Variants in WDPCP observed in about 807,000 individuals in gnomAD.
WDPCP encodes the protein WD repeat containing planar cell polarity effector.
In WDPCP, 71 loss-of-function variants were observed where a neutral mutation model predicts 93.1. The ratio of observed to expected loss-of-function variants is 0.76; its 90% CI spans 0.63 to 0.93. The LOEUF is 0.93. Ranked by LOEUF, WDPCP falls within the 40% of genes least tolerant of loss-of-function variation. The pLI is 0.00. For missense variants in WDPCP, 844 were observed against 887.4 expected (o/e 0.95, Z 0.62); for synonymous variants, 315 against 315.0 (o/e 1.00, Z 0.00).
intron 14 of WDPCP, among the ~76,000 whole-genome samples, chr2:63,216,583 T>C (rs1196623006): frequency 5.3e-5 from 8 of 152,046 alleles, no homozygotes; most frequent in Admixed American, 1.3e-4. Flanking sequence ...GGGAGAGGGA[T>C]AGCATTAGGA....
At chr2:63,476,553 C>A (rs901401988) in intron 6 of WDPCP, among the ~76,000 whole-genome samples, 1 of 152,134 alleles carries the variant, frequency 6.6e-6, no homozygotes, top group Non-Finnish European at 1.5e-5. Flanking sequence ...TACAATTTGG[C>A]ACTCATTAGT....
At chr2:63,723,312 TC>T (rs1447724660) in intron 2 of WDPCP, among the ~76,000 whole-genome samples, 1 of 150,642 alleles carries the variant, frequency 6.6e-6, no homozygotes, top group Non-Finnish European at 1.5e-5. Flanking sequence ...AAAAGAATGC[TC>T]CCTTTTTCTC....
intron 1 of WDPCP, among the ~76,000 whole-genome samples, chr2:63,583,219 C>A (rs1327544702): frequency 6.6e-6 from 1 of 151,846 alleles, no homozygotes; most frequent in African/African-American, 2.4e-5. Flanking sequence ...GCTATAAACC[C>A]TACAACAGTC....
chr2:63,298,138 A>G (rs1400263815), intron 13 of WDPCP, among the ~76,000 whole-genome samples: 1 of 152,146 alleles, frequency 6.6e-6, no homozygotes, highest in Non-Finnish European at 1.5e-5. Context: ...CCAGGTGCAT[A>G]TACCAGTCCA....
At chr2:63,601,146 T>G (rs1709410324) in intron 3 of WDPCP, among the ~76,000 whole-genome samples, 1 of 152,224 alleles carries the variant, frequency 6.6e-6, no homozygotes, top group South Asian at 2.1e-4. Context: ...CCTGGGACCT[T>G]GGCTAGGCAT....
At chr2:63,582,750 TG>T (rs760860004) in intron 1 of WDPCP, among the ~76,000 whole-genome samples, 2 of 151,172 alleles carry the variant, frequency 1.3e-5, no homozygotes, top group Non-Finnish European at 3.0e-5. Flanking sequence ...ACAAGGCAAA[TG>T]AAAAAAAACA....
At chr2:63,618,586 A>C (rs567320020) in intron 3 of WDPCP, among the ~76,000 whole-genome samples, 7 of 152,112 alleles carry the variant, frequency 4.6e-5, no homozygotes, top group African/African-American at 1.7e-4. Flanking sequence ...CTTGAGCTCT[A>C]GTTGACAATT....
upstream of WDPCP, among the ~76,000 whole-genome samples, chr2:63,830,447 A>G (rs1671175532): frequency 6.6e-6 from 1 of 152,074 alleles, no homozygotes; most frequent in Non-Finnish European, 1.5e-5. Context: ...TCATCCCTAA[A>G]TGTTTTGTTT....
upstream of WDPCP, among the ~76,000 whole-genome samples, chr2:63,831,715 G>A (rs1401001784): frequency 6.6e-6 from 1 of 151,726 alleles, no homozygotes; most frequent in Non-Finnish European, 1.5e-5. Flanking sequence ...AATATCAAAA[G>A]CAATATATTT....
chr2:63,806,727 T>C (rs936506803), intron 2 of WDPCP, among the ~76,000 whole-genome samples: 9 of 152,158 alleles, frequency 5.9e-5, no homozygotes, highest in African/African-American at 2.2e-4. Flanking sequence ...GGATGTTCCA[T>C]GCTGAGAAAA....
At chr2:63,822,137 T>C (rs2104131400) in intron 1 of WDPCP, among the ~76,000 whole-genome samples, 1 of 152,306 alleles carries the variant, frequency 6.6e-6, no homozygotes, top group South Asian at 2.1e-4. Context: ...CTGTTTTTTA[T>C]CTCTGTTTTT....
At chr2:63,773,583 G>A (rs909892087) in intron 2 of WDPCP, among the ~76,000 whole-genome samples, 7 of 151,932 alleles carry the variant, frequency 4.6e-5, no homozygotes, top group Non-Finnish European at 1.0e-4. Flanking sequence ...GTACTTTTCT[G>A]TATATATTAT....
chr2:63,392,732 G>A lies in WDPCP; in HGVS notation c.1436-10638C>T, dbSNP rs553263176. 2.4e-4 allele frequency among the ~76,000 whole-genome samples: 37 copies of A among 152,302 alleles called. 1 individual carries two copies. In the South Asian group the frequency reaches 7.5e-3, roughly 31 times the overall value. On this transcript the variant is annotated intron_variant, in intron 10 of 17. Coordinates refer to ENST00000272321, the MANE Select transcript of WDPCP (RefSeq NM_015910.7). ...CCATCAAAAAGTGGGCAAAGCATAT[G>A]AACAGACACTTTTCAAAAGCAGACA...
chr2:63,828,274 C>T (rs987370851), upstream of WDPCP, among the ~76,000 whole-genome samples: 33 of 151,866 alleles, frequency 2.2e-4, no homozygotes, highest in African/African-American at 7.5e-4. Flanking sequence ...AGCATTTCTT[C>T]CAGATATATT....
intron 14 of WDPCP, among the ~76,000 whole-genome samples, chr2:63,193,997 C>T (rs967707134): frequency 6.6e-6 from 1 of 152,046 alleles, no homozygotes; most frequent in African/African-American, 2.4e-5. Flanking sequence ...AGAAAGAAAA[C>T]CTTCTGGTAG....
At chr2:63,516,978 A>G (rs566925008) in intron 1 of WDPCP, among the ~76,000 whole-genome samples, 342 of 151,768 alleles carry the variant, frequency 2.3e-3, no homozygotes, top group Non-Finnish European at 1.9e-3. Flanking sequence ...GTGAAAGAGA[A>G]AAAAAGAAAA....
chr2:63,487,862 G>A (rs1700658299), intron 2 of WDPCP, among the ~76,000 whole-genome samples: 2 of 152,066 alleles, frequency 1.3e-5, no homozygotes, highest in African/African-American at 2.4e-5. Flanking sequence ...ATCAGTGGAT[G>A]GAAGAAAATG....
intron 6 of WDPCP, chr2:63,440,841 A>G (rs567499063): frequency 6.5e-6 from 1 of 152,686 alleles, no homozygotes; most frequent in South Asian, 2.1e-4. Context: ...ATTTTAAACA[A>G]AACAGGGGAA....
chr2:63,720,069 A>G (rs1461733336), intron 2 of WDPCP, among the ~76,000 whole-genome samples: 1 of 152,140 alleles, frequency 6.6e-6, no homozygotes, highest in Non-Finnish European at 1.5e-5. Flanking sequence ...TATTTGTGTC[A>G]TTACTAAAGA....
Sources: gnomAD v4.1 joint callset for allele counts (sites outside exome capture counted in the v4.1 genomes callset) on GRCh38, gnomAD v4.1.1 for gene constraint, MANE v1.5 for transcripts, NCBI Gene and HGNC (gene_info 2026-07-23, HGNC 2026-07-21) for gene names.